The following STEAP1B variants were observed in gnomAD, a reference collection of about 807,000 sequenced individuals.
The protein encoded by STEAP1B is STEAP family member 1B, also known as STEAP family protein MGC87042.
Under a neutral mutation model 27.9 loss-of-function variants are expected in STEAP1B, and 13 were observed. The ratio of observed to expected loss-of-function variants is 0.47; its 90% CI spans 0.30 to 0.74. STEAP1B has a LOEUF of 0.74. STEAP1B is among the 30% of genes least tolerant of loss of function. The pLI is 0.06. For synonymous variants in STEAP1B, 86 were observed against 107.1 expected, an observed-to-expected ratio of 0.80 and a Z score of 1.22; for missense variants, 250 against 298.7, an observed-to-expected ratio of 0.84 and a Z score of 1.20.
chr7:22,456,971 T>A (rs1343222203), intron 4 of STEAP1B, among the ~76,000 whole-genome samples: 2 of 42,718 alleles, frequency 4.7e-5, no homozygotes, highest in African/African-American at 1.4e-4. Flanking sequence ...TATATATATA[T>A]ATTTTTTTTT....
intron 4 of STEAP1B, among the ~76,000 whole-genome samples, chr7:22,456,952 C>CCATATATATATATATATATATATATA (rs1478025290): frequency 2.2e-4 from 16 of 73,276 alleles, no homozygotes; most frequent in African/African-American, 7.2e-4. Context: ...GGATAGGCAG[C>CCATATATATATATATATATATATATA]TATATATATA....
chr7:22,426,725 C>T (rs2128399033), intron 4 of STEAP1B, among the ~76,000 whole-genome samples: 1 of 152,328 alleles, frequency 6.6e-6, no homozygotes, highest in Admixed American at 6.5e-5. Context: ...GTGAGCTAGA[C>T]ATTGGACATA....
intron 4 of STEAP1B, among the ~76,000 whole-genome samples, chr7:22,437,364 C>T (rs1785268576): frequency 6.6e-6 from 1 of 152,200 alleles, no homozygotes; most frequent in Non-Finnish European, 1.5e-5. Context: ...AGTTGTCTTT[C>T]TGTGTCTGGC....
chr7:22,433,517 C>T (rs1015245245), intron 4 of STEAP1B, among the ~76,000 whole-genome samples: 1 of 148,916 alleles, frequency 6.7e-6, no homozygotes, highest in African/African-American at 2.5e-5. Context: ...AGAGGATTTT[C>T]CTGCTCACAA....
intron 4 of STEAP1B, among the ~76,000 whole-genome samples, chr7:22,461,010 C>T (rs1016074567): frequency 2.6e-5 from 4 of 152,090 alleles, no homozygotes; most frequent in African/African-American, 7.2e-5. Flanking sequence ...TGATAAATGA[C>T]ACAGGAGGCC....
chr7:22,438,325 A>G, intron 4 of STEAP1B: 1 of 837,986 alleles, frequency 1.2e-6, no homozygotes, highest in East Asian at 2.7e-5. Flanking sequence ...CACTTGTCCC[A>G]CATGTTTTAT....
At chr7:22,464,948 C>CATATATATATCTATATATATATAT (rs1785748356) in intron 4 of STEAP1B, among the ~76,000 whole-genome samples, 1 of 45,012 alleles carries the variant, frequency 2.2e-5, no homozygotes, top group Non-Finnish European at 5.2e-5. Context: ...TACCAAACCC[C>CATATATATATCTATATATATATAT]ATATATATAT....
intron 4 of STEAP1B, among the ~76,000 whole-genome samples, chr7:22,434,646 C>G (rs541035555): frequency 2.6e-5 from 4 of 152,100 alleles, no homozygotes; most frequent in East Asian, 3.9e-4. Context: ...GTTTTTGAGC[C>G]CTTTCTATGC....
intron 4 of STEAP1B, among the ~76,000 whole-genome samples, chr7:22,462,410 T>C (rs367585825): frequency 1.7e-5 from 2 of 117,600 alleles, no homozygotes; most frequent in East Asian, 2.8e-4. Context: ...GTCCCCAGAG[T>C]GTGATGTTCC....
At chr7:22,467,021 CA>C (rs1785797326) in intron 4 of STEAP1B, among the ~76,000 whole-genome samples, 2 of 152,168 alleles carry the variant, frequency 1.3e-5, no homozygotes, top group East Asian at 3.8e-4. Flanking sequence ...ATGCTAAGGA[CA>C]AATTTGCTGT....
chr7:22,480,384 G>A (rs1284863326), intron 4 of STEAP1B, among the ~76,000 whole-genome samples: 1 of 152,180 alleles, frequency 6.6e-6, no homozygotes, highest in Non-Finnish European at 1.5e-5. Context: ...TCTGTGAGCG[G>A]CAGCGCCTTG....
intron 4 of STEAP1B, among the ~76,000 whole-genome samples, chr7:22,461,456 T>A (rs960241808): frequency 3.3e-5 from 5 of 152,064 alleles, no homozygotes; most frequent in Admixed American, 1.3e-4. Context: ...AGAGAGGGGG[T>A]TTCACCATGT....
At chr7:22,451,124 G>A (rs1207913364) in intron 4 of STEAP1B, among the ~76,000 whole-genome samples, 5 of 151,998 alleles carry the variant, frequency 3.3e-5, no homozygotes, top group Admixed American at 1.3e-4. Flanking sequence ...TTAAACCCAG[G>A]AGGCAGAGAT....
chr7:22,485,367 C>T (rs917684810), intron 4 of STEAP1B, among the ~76,000 whole-genome samples: 1 of 152,200 alleles, frequency 6.6e-6, no homozygotes, highest in Admixed American at 6.5e-5. Flanking sequence ...AAAAAGATGA[C>T]TCACTGAAAG....
At chr7:22,467,642 G>A (rs899432440) in intron 4 of STEAP1B, among the ~76,000 whole-genome samples, 34 of 152,194 alleles carry the variant, frequency 2.2e-4, no homozygotes, top group African/African-American at 7.5e-4. Flanking sequence ...ATTTTATAAG[G>A]GGAAACCCCT....
At chr7:22,480,706 C>T (rs1024877300) in intron 4 of STEAP1B, among the ~76,000 whole-genome samples, 1 of 152,176 alleles carries the variant, frequency 6.6e-6, no homozygotes, top group African/African-American at 2.4e-5. Flanking sequence ...TGCTGATGTG[C>T]CTTTAGGTGC....
Position 22,489,760 on chromosome 7 carries a change from A to T in STEAP1B, c.762+2805T>A, listed in dbSNP as rs1293241243. 2.0e-5 allele frequency among the ~76,000 whole-genome samples: 3 copies of T among 152,162 alleles called. No individual in the cohort carries two copies. The East Asian group carries it at 5.8e-4, about 29-fold the overall frequency. On this transcript the variant is annotated intron_variant, in intron 4 of 4. Coordinates refer to ENST00000678116, the MANE Select transcript of STEAP1B (RefSeq NM_001382447.1). Reference sequence around the variant, plus strand: ...GCAATGCGGGCTCTTTTTTGGTTCCATATGAAGTTTAGAGCAGTTTTTTCC... The same window carrying T: ...GCAATGCGGGCTCTTTTTTGGTTCCTTATGAAGTTTAGAGCAGTTTTTTCC...
chr7:22,430,130 G>A (rs1312410958), intron 4 of STEAP1B, among the ~76,000 whole-genome samples: 2 of 152,162 alleles, frequency 1.3e-5, no homozygotes, highest in South Asian at 4.1e-4. Context: ...ATATGTTTAC[G>A]TTATTTTTTG....
intron 4 of STEAP1B, among the ~76,000 whole-genome samples, chr7:22,473,577 T>C (rs1176033634): frequency 6.6e-6 from 1 of 152,230 alleles, no homozygotes; most frequent in African/African-American, 2.4e-5. Context: ...AGGAGACACG[T>C]TGAGTTTTTC....
Sources: allele counts gnomAD v4.1 joint callset (sites outside exome capture counted in the v4.1 genomes callset), GRCh38; gene constraint gnomAD v4.1.1; transcripts MANE v1.5; gene names NCBI Gene and HGNC (gene_info 2026-07-23, HGNC 2026-07-21).